Variants in NFIA observed in about 807,000 individuals in gnomAD.
The protein encoded by NFIA is nuclear factor I A, also known as nuclear factor 1 A-type.
In NFIA, 8 loss-of-function variants were observed where a neutral mutation model predicts 62.8. The ratio of observed to expected loss-of-function variants is 0.13; its 90% CI spans 0.07 to 0.23. The LOEUF (loss-of-function observed/expected upper bound fraction) is 0.23. Ranked by LOEUF, NFIA falls within the 10% of genes least tolerant of loss-of-function variation. The probability of loss-of-function intolerance (pLI) is 1.00; values close to 1 mark genes in which losing one functional copy is unlikely to be tolerated. For synonymous variants in NFIA, 235 were observed against 238.1 expected, an observed-to-expected ratio of 0.99 and a Z score of 0.12; for missense variants, 410 against 642.1, an observed-to-expected ratio of 0.64 and a Z score of 3.91.
At chr1:61,228,310 A>T (rs1331122002) in intron 2 of NFIA, among the ~76,000 whole-genome samples, 1 of 152,158 alleles carries the variant, frequency 6.6e-6, no homozygotes, top group Non-Finnish European at 1.5e-5. Context: ...CACTCAACAA[A>T]GCCGTGAGCA....
intron 4 of NFIA, among the ~76,000 whole-genome samples, chr1:61,350,525 A>G (rs189082077): frequency 3.9e-5 from 6 of 152,290 alleles, no homozygotes; most frequent in Non-Finnish European, 5.9e-5. Context: ...GGTCCCAGCT[A>G]TTCCGGAGGC....
intron 10 of NFIA, among the ~76,000 whole-genome samples, chr1:61,438,901 C>T (rs1252955566): frequency 6.6e-6 from 1 of 151,918 alleles, no homozygotes; most frequent in Non-Finnish European, 1.5e-5. Flanking sequence ...TGAAATACCG[C>T]AGGGACTTAA....
chr1:61,084,464 T>C (rs2100407613), intron 1 of NFIA, among the ~76,000 whole-genome samples: 1 of 152,310 alleles, frequency 6.6e-6, no homozygotes. Context: ...AGTTCCTATT[T>C]TAGTAACTTG....
intron 3 of NFIA, among the ~76,000 whole-genome samples, chr1:61,287,044 C>G (rs1658547903): frequency 6.6e-6 from 1 of 151,984 alleles, no homozygotes; most frequent in African/African-American, 2.4e-5. Context: ...ATCTTGTAAG[C>G]CAAGGAAAAG....
At position 61,413,615 on chromosome 1, in the gene NFIA, C is replaced by CT. The variant is rs869258274; in HGVS notation, c.1420+6917dup. Among the ~76,000 whole-genome samples, 264 of 68,394 alleles carry CT rather than the reference C, an allele frequency of 3.9e-3. 22 individuals carry two copies. The highest frequency in any genetic ancestry group is 0.014 in the Middle Eastern group (1 of 74). 44.9% of individuals were successfully genotyped at this position (68,394 alleles called of 152,430 possible). A position where few individuals can be genotyped will look rare whatever the true frequency, so the allele number is the denominator to read the frequency against. Reference sequence around the variant, plus strand: ...AAATTAACAACAACAAAGTATTTTGCTTTTTTTTTTTTTTTTTTTTTTTTT... The same window carrying CT: ...AAATTAACAACAACAAAGTATTTTGCTTTTTTTTTTTTTTTTTTTTTTTTTT... On this transcript the variant is annotated intron_variant, in intron 9 of 10. Coordinates refer to ENST00000403491, the MANE Select transcript of NFIA (RefSeq NM_001134673.4).
At chr1:61,254,519 A>G (rs1008650332) in intron 2 of NFIA, among the ~76,000 whole-genome samples, 13 of 152,230 alleles carry the variant, frequency 8.5e-5, no homozygotes, top group African/African-American at 3.1e-4. Context: ...CTGTTCTTCA[A>G]CACTCCTTCT....
chr1:61,263,434 A>G (rs954095395), intron 2 of NFIA, among the ~76,000 whole-genome samples: 5 of 152,214 alleles, frequency 3.3e-5, no homozygotes, highest in African/African-American at 1.2e-4. Context: ...CATGACGGGC[A>G]GGTAGAACTG....
At chr1:61,321,375 G>C (rs1660670645) in intron 3 of NFIA, among the ~76,000 whole-genome samples, 1 of 151,924 alleles carries the variant, frequency 6.6e-6, no homozygotes, top group South Asian at 2.1e-4. Flanking sequence ...ATGTTTCGGG[G>C]AAATGGGGAA....
At chr1:61,241,155 G>A (rs1178638541) in intron 2 of NFIA, among the ~76,000 whole-genome samples, 1 of 152,044 alleles carries the variant, frequency 6.6e-6, no homozygotes, top group Non-Finnish European at 1.5e-5. Context: ...TGTGATGACA[G>A]CACCTCTCCC....
At chr1:61,352,329 T>C (rs1303313771) in intron 4 of NFIA, 121 bp from the exon 5 acceptor site, 4 of 669,934 alleles carry the variant, frequency 6.0e-6, no homozygotes, top group Non-Finnish European at 1.0e-5. Flanking sequence ...TACTGATTAT[T>C]TTCGATTCGC....
chr1:61,176,145 A>G (rs1374269477), intron 2 of NFIA, among the ~76,000 whole-genome samples: 1 of 152,208 alleles, frequency 6.6e-6, no homozygotes, highest in African/African-American at 2.4e-5. Flanking sequence ...CCGAAGAGCA[A>G]GGCAGGAGTC....
chr1:61,397,014 T>A (rs56830232), intron 7 of NFIA, among the ~76,000 whole-genome samples: 3,196 of 127,938 alleles, frequency 0.025, 120 homozygotes, highest in African/African-American at 0.086. Flanking sequence ...AAAAAAAAAA[T>A]AATAATAATA....
intron 10 of NFIA, among the ~76,000 whole-genome samples, chr1:61,445,835 G>A (rs1667784698): frequency 6.6e-6 from 1 of 152,096 alleles, no homozygotes. Context: ...TCCCTCAAAT[G>A]ATGTGATAAC....
intron 6 of NFIA, among the ~76,000 whole-genome samples, chr1:61,361,701 T>C (rs956112560): frequency 3.3e-5 from 5 of 152,106 alleles, no homozygotes; most frequent in African/African-American, 1.2e-4. Flanking sequence ...CAAACGATCA[T>C]AAATTTTAAC....
At chr1:61,344,684 T>C (rs1341001554) in intron 4 of NFIA, among the ~76,000 whole-genome samples, 4 of 152,258 alleles carry the variant, frequency 2.6e-5, no homozygotes, top group Non-Finnish European at 5.9e-5. Flanking sequence ...ATAAATATTG[T>C]TGAATTCCAT....
At chr1:61,089,243 A>G (rs1008695343) in intron 2 of NFIA, among the ~76,000 whole-genome samples, 3 of 152,200 alleles carry the variant, frequency 2.0e-5, no homozygotes, top group Non-Finnish European at 4.4e-5. Context: ...TCAGATAGCT[A>G]AGGGAAACAA....
chr1:61,173,576 G>C (rs1650118378), intron 2 of NFIA, among the ~76,000 whole-genome samples: 1 of 152,038 alleles, frequency 6.6e-6, no homozygotes. Context: ...TTTTAATAGA[G>C]ATAAGGTTTC....
chr1:61,349,591 C>T (rs891030493), intron 4 of NFIA, among the ~76,000 whole-genome samples: 3 of 151,750 alleles, frequency 2.0e-5, no homozygotes, highest in Non-Finnish European at 2.9e-5. Context: ...GATTTTTATT[C>T]GAGATGGGTT....
chr1:61,082,542 G>A, upstream of NFIA: 10 of 1,434,754 alleles, frequency 7.0e-6, no homozygotes, highest in Non-Finnish European at 9.2e-6. Flanking sequence ...GTATAGTGGA[G>A]TGTAGGGAAA....
Sources: allele counts gnomAD v4.1 joint callset (sites outside exome capture counted in the v4.1 genomes callset), GRCh38; gene constraint gnomAD v4.1.1; transcripts MANE v1.5; gene names NCBI Gene and HGNC (gene_info 2026-07-23, HGNC 2026-07-21).